SLCO1B1: variants seen among roughly 807,000 people sequenced by gnomAD.
SLCO1B1 encodes the protein solute carrier organic anion transporter family member 1B1.
Under a neutral mutation model 70.1 loss-of-function variants are expected in SLCO1B1, and 81 were observed. That is an observed-to-expected ratio of 1.16 (90% confidence interval 0.97 to 1.39). The LOEUF (loss-of-function observed/expected upper bound fraction) is 1.39. Ranked by LOEUF, SLCO1B1 falls within the 40% of genes most tolerant of loss-of-function variation. The pLI, the probability that SLCO1B1 is intolerant of heterozygous loss-of-function variation, is 0.00. For missense variants in SLCO1B1, 895 were observed against 799.6 expected, an observed-to-expected ratio of 1.12 and a Z score of -1.44; for synonymous variants, 283 against 271.5, an observed-to-expected ratio of 1.04 and a Z score of -0.42.
chr12:21,237,090 C>T (rs907971741), intron 14 of SLCO1B1, among the ~76,000 whole-genome samples: 2 of 152,032 alleles, frequency 1.3e-5, no homozygotes, highest in Admixed American at 1.3e-4. Flanking sequence ...TATACTTGTT[C>T]TTTGATCCTA....
intron 12 of SLCO1B1, 97 bp downstream of exon 12, chr12:21,217,400 C>A: frequency 1.1e-6 from 1 of 936,812 alleles, no homozygotes; most frequent in African/African-American, 1.6e-5. Flanking sequence ...AATTCAAATT[C>A]ATATTTCATC....
At position 21,239,235 on chromosome 12, in the gene SLCO1B1, T is replaced by G. The variant is rs71581985; in HGVS notation, c.*46T>G. 7,745 of 1,285,662 alleles carry G rather than the reference T, an allele frequency of 6.0e-3. 48 individuals are homozygous for G. The highest frequency in any genetic ancestry group is 0.016 in the South Asian group (1,306 of 84,164). 79.6% of individuals were successfully genotyped at this position (1,285,662 alleles called of 1,614,324 possible). A position where few individuals can be genotyped will look rare whatever the true frequency, so the allele number is the denominator to read the frequency against. On this transcript the variant is annotated 3_prime_UTR_variant, in exon 15 of 15. Coordinates refer to ENST00000256958, the MANE Select transcript of SLCO1B1 (RefSeq NM_006446.5). ...CTGCTTCTGTGTTTCCAAACAGCAT[T>G]GCATTGATTCAGTAAGATGTTATTT...
At chr12:21,184,755 C>T (rs113545553) in intron 7 of SLCO1B1, among the ~76,000 whole-genome samples, 37 of 152,192 alleles carry the variant, frequency 2.4e-4, no homozygotes, top group East Asian at 1.4e-3. Flanking sequence ...CAAAATCTCA[C>T]GTATCAATAA....
intron 13 of SLCO1B1, among the ~76,000 whole-genome samples, chr12:21,224,359 T>C (rs2121192971): frequency 6.6e-6 from 1 of 152,250 alleles, no homozygotes; most frequent in South Asian, 2.1e-4. Flanking sequence ...TTCTACTCCA[T>C]TTCAGGTTTC....
intron 2 of SLCO1B1, among the ~76,000 whole-genome samples, chr12:21,166,460 A>G (rs1940687246): frequency 6.6e-6 from 1 of 152,142 alleles, no homozygotes; most frequent in African/African-American, 2.4e-5. Context: ...AAATAACCCA[A>G]TGATAAAATG....
intron 2 of SLCO1B1, among the ~76,000 whole-genome samples, chr12:21,164,563 A>G (rs2121083964): frequency 6.6e-6 from 1 of 152,114 alleles, no homozygotes; most frequent in African/African-American, 2.4e-5. Context: ...AACCATCTAA[A>G]ATTTAATTTT....
At chr12:21,138,284 C>T (rs1369253743) in intron 1 of SLCO1B1, among the ~76,000 whole-genome samples, 1 of 152,150 alleles carries the variant, frequency 6.6e-6, no homozygotes, top group East Asian at 1.9e-4. Context: ...TTCTGTCCTG[C>T]ACCCCACTCC....
chr12:21,151,998 C>G (rs1272283190), intron 2 of SLCO1B1, among the ~76,000 whole-genome samples: 1 of 151,976 alleles, frequency 6.6e-6, no homozygotes, highest in African/African-American at 2.4e-5. Flanking sequence ...ATTTCTCCTT[C>G]TAGTGATTCC....
At chr12:21,223,784 A>T (rs920662704) in intron 13 of SLCO1B1, among the ~76,000 whole-genome samples, 5 of 152,172 alleles carry the variant, frequency 3.3e-5, no homozygotes, top group African/African-American at 1.2e-4. Flanking sequence ...TAGTTGCACC[A>T]TCTTAAGGAC....
intron 2 of SLCO1B1, among the ~76,000 whole-genome samples, chr12:21,158,815 TGTA>T (rs776799758): frequency 2.6e-5 from 4 of 152,106 alleles, no homozygotes; most frequent in African/African-American, 7.2e-5. Flanking sequence ...TCTTGGGTGT[TGTA>T]GTAAAAAACA....
At chr12:21,174,746 A>C in intron 4 of SLCO1B1, 37 bp downstream of exon 4, 3 of 1,589,418 alleles carry the variant, frequency 1.9e-6, no homozygotes, top group Non-Finnish European at 2.6e-6. Context: ...CTGTGCCACT[A>C]TCAGTACCTT....
chr12:21,159,537 A>G (rs1449471648), intron 2 of SLCO1B1, among the ~76,000 whole-genome samples: 1 of 152,196 alleles, frequency 6.6e-6, no homozygotes, highest in African/African-American at 2.4e-5. Context: ...AAGAGAGAAA[A>G]TATGATAGTT....
At position 21,144,418 on chromosome 12, in the gene SLCO1B1, A is replaced by G. The variant is rs1232742952; in HGVS notation, c.84+2760A>G. ...ACCTCTGAGAAATATGGGATTATGT[A>G]AAGAGACCAAGCCTGTGACTCATTG... On this transcript the variant is annotated intron_variant, in intron 2 of 14. Coordinates refer to ENST00000256958, the MANE Select transcript of SLCO1B1 (RefSeq NM_006446.5). Among the ~76,000 whole-genome samples, 5 of 152,132 alleles carry G rather than the reference A, an allele frequency of 3.3e-5. No individual in the cohort carries two copies. In the East Asian group the frequency reaches 5.8e-4, roughly 18 times the overall value.
rs35034604 is a variant in SLCO1B1, at chr12:21,167,983, A to ATT, written c.85-4657_85-4656dup. 4.1e-3 allele frequency among the ~76,000 whole-genome samples: 598 copies of ATT among 145,532 alleles called. 2 individuals are homozygous for ATT. Among genetic ancestry groups the ATT allele is most frequent in the African/African-American group, 0.012 (493 of 39,774 alleles). On this transcript the variant is annotated intron_variant, in intron 2 of 14. Transcript: ENST00000256958. ...AGGTGACTACCACCATGCGCAGGTA[A>ATT]TTTTTTTTTTTGTATTTTTAGTAGA...
At chr12:21,137,968 C>T (rs769205541) in intron 1 of SLCO1B1, among the ~76,000 whole-genome samples, 2 of 152,172 alleles carry the variant, frequency 1.3e-5, no homozygotes, top group Non-Finnish European at 2.9e-5. Context: ...TCCTATTTGG[C>T]CATCTTGGCT....
chr12:21,197,651 A>G (rs1024538982), intron 8 of SLCO1B1, among the ~76,000 whole-genome samples: 7 of 152,208 alleles, frequency 4.6e-5, no homozygotes, highest in African/African-American at 1.7e-4. Flanking sequence ...TAGTGCCTTA[A>G]GTATTATGGT....
At chr12:21,142,524 A>G (rs1207104532) in intron 2 of SLCO1B1, among the ~76,000 whole-genome samples, 1 of 151,992 alleles carries the variant, frequency 6.6e-6, no homozygotes, top group African/African-American at 2.4e-5. Context: ...GTAGTCTTAT[A>G]CAGCTGAATA....
chr12:21,145,899 A>C (rs1940376386), intron 2 of SLCO1B1, among the ~76,000 whole-genome samples: 1 of 152,102 alleles, frequency 6.6e-6, no homozygotes, highest in Non-Finnish European at 1.5e-5. Context: ...ATATTTTATC[A>C]GTTTAAGGAC....
Position 21,154,361 on chromosome 12 carries a change from T to G in SLCO1B1, c.84+12703T>G, listed in dbSNP as rs374359756. On this transcript the variant is annotated intron_variant, in intron 2 of 14. Coordinates refer to ENST00000256958, the MANE Select transcript of SLCO1B1 (RefSeq NM_006446.5). ...TAGAGCTTCCTTGCCTCTTCTAACA[T>G]GTGAGGTTACAGTGAGAAGATGGTT... 1.2e-4 allele frequency among the ~76,000 whole-genome samples: 19 copies of G among 152,084 alleles called. 1 individual carries two copies. The highest frequency in any genetic ancestry group is 3.9e-4 in the East Asian group (2 of 5,184).
Sources: allele counts gnomAD v4.1 joint callset (sites outside exome capture counted in the v4.1 genomes callset), GRCh38; gene constraint gnomAD v4.1.1; transcripts MANE v1.5; gene names NCBI Gene and HGNC (gene_info 2026-07-23, HGNC 2026-07-21).